ANPEP: variants seen among roughly 807,000 people sequenced by gnomAD.
The protein encoded by ANPEP is aminopeptidase N.
A neutral mutation model predicts 114.6 loss-of-function variants in ANPEP; 70 were observed. The ratio of observed to expected loss-of-function variants is 0.61; its 90% confidence interval spans 0.50 to 0.75. ANPEP has a LOEUF of 0.75. Ranked by LOEUF, ANPEP falls within the 30% of genes least tolerant of loss-of-function variation. The probability of loss-of-function intolerance (pLI) is 0.00; values close to 1 mark genes in which losing one functional copy is unlikely to be tolerated. For missense variants in ANPEP, 1,184 were observed against 1,259.5 expected, an observed-to-expected ratio of 0.94 and a Z score of 0.91; for synonymous variants, 548 against 522.3, an observed-to-expected ratio of 1.05 and a Z score of -0.67.
intron 4 of ANPEP, chr15:89,804,834 A>C: frequency 1.2e-6 from 1 of 812,986 alleles, no homozygotes; most frequent in South Asian, 1.8e-5. Flanking sequence ...AACAATCATC[A>C]TAGCCACCGT....
chr15:89,806,882 T>G lies in ANPEP; in HGVS notation c.-223-76A>C. On this transcript the variant is annotated intron_variant, in intron 1 of 20. Transcript: ENST00000300060. The surrounding 1 kb of genome is among the most constrained non-coding windows in gnomAD (Gnocchi z 5.7). ...AGGCCCGAGGGCTGAAGGGCAGGCT[T>G]CCGGCTGTAGGCCCAGTGGGCAAAG... 1 of 365,314 alleles carries G rather than the reference T, an allele frequency of 2.7e-6. No homozygotes were observed. The highest frequency in any genetic ancestry group is 4.2e-5 in the South Asian group (1 of 23,724). The allele number at this position is 365,314 out of a possible 1,614,324, so 22.6% of individuals were successfully genotyped here.
intron 1 of ANPEP, among the ~76,000 whole-genome samples, chr15:89,813,996 G>GT (rs1555442957): frequency 0.03 from 4,345 of 145,168 alleles, 374 homozygotes; most frequent in East Asian, 0.27. Context: ...ACTGCTGGGG[G>GT]GGGGGGGTGC....
At position 89,791,597 on chromosome 15, in the gene ANPEP, C is replaced by CTT. The variant is rs367563839; in HGVS notation, c.2529-505_2529-504insAA. The stretch of plus-strand genomic sequence containing the variant: ...GGATTACAGGCATGTGCCACCATGC[C>CTT]TATTTTTTTTTTTTTTTTGTATTTT... On this transcript the variant is annotated intron_variant, in intron 18 of 20. Coordinates refer to ENST00000300060, the MANE Select transcript of ANPEP (RefSeq NM_001150.3). Among the ~76,000 whole-genome samples, 761 of 121,134 alleles carry CTT rather than the reference C, an allele frequency of 6.3e-3. 8 individuals are homozygous for CTT. Among genetic ancestry groups the CTT allele is most frequent in the Non-Finnish European group, 0.01 (604 of 58,116 alleles). The allele number at this position is 121,134 out of a possible 152,430, so 79.5% of individuals were successfully genotyped here. A position where few individuals can be genotyped will look rare whatever the true frequency, so the allele number is the denominator to read the frequency against.
In ANPEP at chr15:89,785,281, C is replaced by T; in HGVS notation, c.*68G>A. ...TCGGGCTCCAGGAATGGAGGCCCTG[C>T]ACCAGCCGCTGGGATGGACACATGT... On this transcript the variant is annotated 3_prime_UTR_variant, in exon 21 of 21. Coordinates refer to ENST00000300060, the MANE Select transcript of ANPEP (RefSeq NM_001150.3). 6.3e-7 allele frequency: 1 copy of T among 1,593,942 alleles called. No homozygotes were observed. Among genetic ancestry groups the T allele is most frequent in the Non-Finnish European group, 8.6e-7 (1 of 1,165,148 alleles).
chr15:89,804,859 G>A (rs1249117794), intron 4 of ANPEP: 1 of 829,112 alleles, frequency 1.2e-6, no homozygotes, highest in Admixed American at 2.9e-5. Context: ...CTGGTAACCG[G>A]TGGGTCAGGA....
rs186767342 is a variant in ANPEP at position 89,787,884 on chromosome 15, T to G, written c.2752-2383A>C. 2.0e-5 allele frequency among the ~76,000 whole-genome samples: 3 copies of G among 152,300 alleles called. No homozygotes were observed. In the East Asian group the frequency reaches 5.8e-4, roughly 29 times the overall value. ...CAATAAGCACATGAAATATTCAACATCATGTCATTCATTACTCATTAGGGA... is the reference window on the plus strand; with the variant it reads ...CAATAAGCACATGAAATATTCAACAGCATGTCATTCATTACTCATTAGGGA... On this transcript the variant is annotated intron_variant, in intron 20 of 20. Coordinates refer to ENST00000300060, the MANE Select transcript of ANPEP (RefSeq NM_001150.3).
chr15:89,795,847 G>A (rs1968717316), intron 15 of ANPEP, among the ~76,000 whole-genome samples: 1 of 152,208 alleles, frequency 6.6e-6, no homozygotes, highest in Admixed American at 6.5e-5. Flanking sequence ...AGTAGAGGGA[G>A]GCACCTCCAA....
At chr15:89,797,781 G>C in intron 14 of ANPEP, 59 bp from the exon 15 acceptor site, 4 of 1,608,604 alleles carry the variant, frequency 2.5e-6, no homozygotes, top group African/African-American at 1.3e-5. Context: ...CCACAGCCTG[G>C]GAACCCCAAC....
intron 6 of ANPEP, 90 bp downstream of exon 6, chr15:89,804,163 T>C: frequency 6.3e-7 from 1 of 1,585,920 alleles, no homozygotes; most frequent in Non-Finnish European, 8.6e-7. Flanking sequence ...CCTCCTCCCT[T>C]CTCAGCAGCC....
rs1484012651 is a variant in ANPEP at position 89,805,405 on chromosome 15, C to T, written c.673G>A (p.Asp225Asn). Residue 225 changes from aspartate to asparagine, a missense_variant, in exon 3 of 21, where the codon GAT becomes AAT. Physicochemically the swap from Asp to Asn is conservative, Grantham distance 23 (BLOSUM62 1). Transcript: ENST00000300060. Reference protein sequence around the residue: ...ADARKSFPCFDEPAMKAEFNI... With the variant: ...ADARKSFPCFNEPAMKAEFNI... ...AACTCGGCCTTCATGGCCGGCTCAT[C>T]GAAGCATGGGAAGGACTTCCGGGCA... is the stretch of plus-strand genomic sequence containing the variant. 2.5e-6 allele frequency: 4 copies of T among 1,614,040 alleles called. No homozygotes were observed. Among genetic ancestry groups the T allele is most frequent in the Admixed American group, 1.7e-5 (1 of 60,002 alleles).
rs866751897 is a variant in ANPEP, at chr15:89,803,496, G to A, written c.1449C>T (p.Val483=). The part of the protein sequence containing the change: ...DAISYSKGAS[V]LRMLSSFLSE... ...ACAGGAAGCTGGAGAGCATCCTGAG[G>A]ACTGAGGCGCCCTGGGGTGGGGGTG... Residue 483 remains valine (V), a synonymous_variant, in exon 9 of 21, where the codon GTC becomes GTT. Coordinates refer to ENST00000300060, the MANE Select transcript of ANPEP (RefSeq NM_001150.3). The surrounding 1 kb of genome is among the most constrained non-coding windows in gnomAD (Gnocchi z 4.2). 1 of 1,607,564 alleles carries A rather than the reference G, an allele frequency of 6.2e-7. No individual in the cohort carries two copies. The highest frequency in any genetic ancestry group is 8.5e-7 in the Non-Finnish European group (1 of 1,178,236).
chr15:89,806,915 C>T lies in ANPEP; in HGVS notation c.-223-109G>A. 3.3e-6 allele frequency: 1 copy of T among 299,740 alleles called. No individual in the cohort carries two copies. Among genetic ancestry groups the T allele is most frequent in the Admixed American group, 4.6e-5 (1 of 21,764 alleles). 18.6% of individuals were successfully genotyped at this position (299,740 alleles called of 1,614,324 possible). On this transcript the variant is annotated intron_variant, in intron 1 of 20. Coordinates refer to ENST00000300060, the MANE Select transcript of ANPEP (RefSeq NM_001150.3). The surrounding 1 kb of genome is among the most constrained non-coding windows in gnomAD (Gnocchi z 5.7). ...TAGGCCCAGTGGGCAAAGCAAGCGG[C>T]CAGGTGGCATTGCATTGATCTGCTT...
rs1189537233 is a variant in ANPEP, at chr15:89,806,267, G to T, written c.317C>A (p.Ser106Tyr). The T allele has an allele frequency of 6.2e-7, 1 of 1,614,094 alleles. No individual in the cohort carries two copies. The highest frequency in any genetic ancestry group is 1.1e-5 in the South Asian group (1 of 91,074). ...NDRGLYVFKG[S>Y]STVRFTCKEA... is the part of the protein sequence containing the mutation. ...CTTGCAGGTGAAACGGACGGTGCTGGAGCCCTTAAAAACGTACAGGCCCCT... is the reference window on the plus strand; with the variant it reads ...CTTGCAGGTGAAACGGACGGTGCTGTAGCCCTTAAAAACGTACAGGCCCCT... Residue 106 changes from serine to tyrosine, a missense_variant, in exon 2 of 21, where the codon TCC (serine) becomes TAC (tyrosine). Coordinates refer to ENST00000300060, the MANE Select transcript of ANPEP (RefSeq NM_001150.3). This position sits in a 1 kb window ranked among gnomAD's most constrained non-coding sequence, Gnocchi z 5.7.
At chr15:89,797,290 T>C (rs1968746148) in intron 15 of ANPEP, among the ~76,000 whole-genome samples, 1 of 152,228 alleles carries the variant, frequency 6.6e-6, no homozygotes, top group Non-Finnish European at 1.5e-5. Context: ...CAACAAACGT[T>C]GCTGAAGTCT....
rs117770999 is a variant in ANPEP at position 89,799,235 on chromosome 15, C to T, written c.2009+25G>A. On this transcript the variant is annotated intron_variant, in intron 14 of 20. Coordinates refer to ENST00000300060, the MANE Select transcript of ANPEP (RefSeq NM_001150.3). The surrounding 1 kb of genome is among the most constrained non-coding windows in gnomAD (Gnocchi z 4.2). Reference sequence around the variant, plus strand: ...TTGCTGAAGTCACGAGCTTCTGCAGCTGAGCCAGGCAGCGGAGCACTCACC... The same window carrying T: ...TTGCTGAAGTCACGAGCTTCTGCAGTTGAGCCAGGCAGCGGAGCACTCACC... 30,790 of 1,613,982 alleles carry T rather than the reference C, an allele frequency of 0.019. 345 individuals are homozygous for T. The highest frequency in any genetic ancestry group is 0.021 in the Non-Finnish European group (25,253 of 1,179,894).
intron 20 of ANPEP, among the ~76,000 whole-genome samples, chr15:89,786,450 G>C (rs1968509211): frequency 6.8e-6 from 1 of 147,502 alleles, no homozygotes; most frequent in South Asian, 2.1e-4. Flanking sequence ...AATTGCAAGG[G>C]ACCCAGAATA....
intron 1 of ANPEP, among the ~76,000 whole-genome samples, chr15:89,810,490 G>A (rs1324391158): frequency 2.6e-5 from 4 of 152,008 alleles, no homozygotes; most frequent in East Asian, 3.9e-4. Context: ...AGAATCGCTC[G>A]AACCCAAGAG....
chr15:89,806,828 T>A lies in ANPEP; in HGVS notation c.-223-22A>T, dbSNP rs977302295. ...GTGCCTGCTGGAAGCAAACAGTGTC[T>A]GGTTACAGGCTGCAGGCGGCCTGGG... is the stretch of plus-strand genomic sequence containing the variant. On this transcript the variant is annotated intron_variant, in intron 1 of 20. Transcript: ENST00000300060. The surrounding 1 kb of genome is among the most constrained non-coding windows in gnomAD (Gnocchi z 5.7). 11 of 541,198 alleles carry A rather than the reference T, an allele frequency of 2.0e-5. No homozygotes were observed. Among genetic ancestry groups the A allele is most frequent in the Admixed American group, 3.4e-5 (1 of 29,488 alleles). The allele number at this position is 541,198 out of a possible 1,614,324, so 33.5% of individuals were successfully genotyped here. A position where few individuals can be genotyped will look rare whatever the true frequency, so the allele number is the denominator to read the frequency against.
rs746330058 is a variant in ANPEP at position 89,792,276 on chromosome 15, G to A, written c.2412C>T (p.Gly804=). 5.6e-6 allele frequency: 9 copies of A among 1,614,092 alleles called. No individual in the cohort carries two copies. The highest frequency in any genetic ancestry group is 2.7e-5 in the African/African-American group (2 of 74,934). Reference sequence around the variant, plus strand: ...AGGCGAAGTCCCACTCCTCCTCCCCGCCCTGGGCGATAGCGTTGCAGTAGA... The same window carrying A: ...AGGCGAAGTCCCACTCCTCCTCCCCACCCTGGGCGATAGCGTTGCAGTAGA... The part of the protein sequence containing the change: ...STVYCNAIAQ[G]GEEEWDFAWE... Residue 804 remains glycine (G), a synonymous_variant, in exon 18 of 21, where the codon GGC becomes GGT. Coordinates refer to ENST00000300060, the MANE Select transcript of ANPEP (RefSeq NM_001150.3).
Sources: allele counts gnomAD v4.1 joint callset (sites outside exome capture counted in the v4.1 genomes callset), GRCh38; gene constraint gnomAD v4.1.1; non-coding constraint Gnocchi (gnomAD v3.1); transcripts MANE v1.5; gene names NCBI Gene and HGNC (gene_info 2026-07-23, HGNC 2026-07-21).